GPCPD1: variants seen among roughly 807,000 people sequenced by gnomAD.
GPCPD1 encodes the protein glycerophosphocholine phosphodiesterase GPCPD1.
In GPCPD1, 29 loss-of-function variants were observed where a neutral mutation model predicts 89.2. The observed-to-expected ratio is 0.33, with a 90% CI of 0.24 to 0.44. The LOEUF is 0.44. GPCPD1 is among the 20% of genes least tolerant of loss of function. GPCPD1 has a pLI of 1.00. For missense variants in GPCPD1, 594 were observed against 808.9 expected (o/e 0.73, Z 3.22); for synonymous variants, 258 against 266.3 (o/e 0.97, Z 0.30).
At position 5,547,568 on chromosome 20, in the gene GPCPD1, C is replaced by A; in HGVS notation, c.*93G>T. ...ATTATTGCTTCATTGAACTGAGAAG[C>A]CCAAAAGGCATAGATCAACAATGCT... On this transcript the variant is annotated 3_prime_UTR_variant, in exon 20 of 20. Coordinates refer to ENST00000379019, the MANE Select transcript of GPCPD1 (RefSeq NM_019593.5). The A allele has an allele frequency of 1.6e-6, 1 of 627,340 alleles. No individual in the cohort carries two copies. The highest frequency in any genetic ancestry group is 2.8e-6 in the Non-Finnish European group (1 of 352,424). 38.9% of individuals were successfully genotyped at this position (627,340 alleles called of 1,614,324 possible).
chr20:5,578,659 A>G, intron 7 of GPCPD1, 48 bp from the exon 8 acceptor site: 1 of 1,152,804 alleles, frequency 8.7e-7, no homozygotes, highest in Non-Finnish European at 1.3e-6. Context: ...CAGAAAAGAA[A>G]AACTCATACA....
Position 5,546,506 on chromosome 20 carries a change from C to T in GPCPD1, c.*1155G>A, listed in dbSNP as rs1166128082. 1 of 152,128 alleles carries T rather than the reference C, an allele frequency of 6.6e-6. No homozygotes were observed. The highest frequency in any genetic ancestry group is 2.4e-5 in the African/African-American group (1 of 41,418). The allele number at this position is 152,128 out of a possible 1,614,324, so 9.4% of individuals were successfully genotyped here. On this transcript the variant is annotated 3_prime_UTR_variant, in exon 20 of 20. Transcript: ENST00000379019. ...TGTATCATTTTATTTAACATTCATT[C>T]TTTAAGTTACAGTTAACACAATCTG...
chr20:5,589,816 T>A (rs1346598242), intron 4 of GPCPD1, among the ~76,000 whole-genome samples: 1 of 152,220 alleles, frequency 6.6e-6, no homozygotes, highest in Non-Finnish European at 1.5e-5. Context: ...GCCAAAATTT[T>A]AAGCTTTTTG....
At chr20:5,607,077 A>G (rs1405007170) in intron 1 of GPCPD1, among the ~76,000 whole-genome samples, 1 of 151,866 alleles carries the variant, frequency 6.6e-6, no homozygotes, top group Non-Finnish European at 1.5e-5. Flanking sequence ...ACCTGAGGTC[A>G]GGAGTTCAAG....
intron 3 of GPCPD1, among the ~76,000 whole-genome samples, chr20:5,598,183 A>C (rs562536439): frequency 4.8e-5 from 7 of 145,354 alleles, no homozygotes; most frequent in South Asian, 2.2e-4. Flanking sequence ...GCCAAAAAAA[A>C]CCCCAAAAAA....
rs563272862 is a variant in GPCPD1, at chr20:5,556,169, CACAACGCTACTGT to C, written c.1829+1763_1829+1775del. Reference sequence around the variant, plus strand: ...AAGATATATACTGTGTTTTCTCAGACACAACGCTACTGTACACTTGGTAAACTACAATGTAGTA... The same window carrying C: ...AAGATATATACTGTGTTTTCTCAGACACACTTGGTAAACTACAATGTAGTA... On this transcript the variant is annotated intron_variant, in intron 19 of 19. Coordinates refer to ENST00000379019, the MANE Select transcript of GPCPD1 (RefSeq NM_019593.5). Among the ~76,000 whole-genome samples, 3 of 152,246 alleles carry C rather than the reference CACAACGCTACTGT, an allele frequency of 2.0e-5. No homozygotes were observed. In the South Asian group the frequency reaches 6.2e-4, roughly 32 times the overall value.
intron 2 of GPCPD1, among the ~76,000 whole-genome samples, chr20:5,602,085 G>A (rs530701373): frequency 1.2e-4 from 18 of 152,200 alleles, no homozygotes; most frequent in African/African-American, 3.9e-4. Context: ...TACCATTCTC[G>A]CCACATTTAG....
rs200027728 is a variant in GPCPD1 at position 5,557,926 on chromosome 20, T to C, written c.1829+19A>G. 8 of 1,395,584 alleles carry C rather than the reference T, an allele frequency of 5.7e-6. No individual in the cohort carries two copies. The highest frequency in any genetic ancestry group is 1.3e-5 in the South Asian group (1 of 79,032). 86.5% of individuals were successfully genotyped at this position (1,395,584 alleles called of 1,614,324 possible). ...TATACTTCTAAATTCCATGAAAATT[T>C]TTCATGAAAAACAAATACCTATCAT... On this transcript the variant is annotated intron_variant, in intron 19 of 19. Coordinates refer to ENST00000379019, the MANE Select transcript of GPCPD1 (RefSeq NM_019593.5).
At chr20:5,565,537 T>C (rs188389741) in intron 14 of GPCPD1, among the ~76,000 whole-genome samples, 6 of 152,216 alleles carry the variant, frequency 3.9e-5, no homozygotes, top group African/African-American at 7.2e-5. Flanking sequence ...CCCCTATATA[T>C]AGTATTTTTT....
At chr20:5,594,359 A>G (rs921104498) in intron 3 of GPCPD1, among the ~76,000 whole-genome samples, 26 of 151,560 alleles carry the variant, frequency 1.7e-4, no homozygotes, top group African/African-American at 6.1e-4. Flanking sequence ...GCGCGATCTC[A>G]GCTCACTGCA....
At chr20:5,562,910 T>A (rs1209959061) in intron 15 of GPCPD1, among the ~76,000 whole-genome samples, 1 of 152,194 alleles carries the variant, frequency 6.6e-6, no homozygotes, top group Non-Finnish European at 1.5e-5. Flanking sequence ...AGTGTTGAGA[T>A]TGCTAAAAGG....
chr20:5,552,996 A>T (rs1985518736), intron 19 of GPCPD1, among the ~76,000 whole-genome samples: 1 of 152,064 alleles, frequency 6.6e-6, no homozygotes, highest in African/African-American at 2.4e-5. Context: ...CTTATAATTT[A>T]ATTTTATTTT....
chr20:5,576,050 CA>C, intron 8 of GPCPD1, 72 bp from the exon 9 acceptor site: 1 of 637,490 alleles, frequency 1.6e-6, no homozygotes, highest in Non-Finnish European at 2.8e-6. Flanking sequence ...TACACACACA[CA>C]CACACACACA....
intron 2 of GPCPD1, among the ~76,000 whole-genome samples, chr20:5,601,339 AAT>A (rs1980123183): frequency 6.7e-6 from 1 of 149,186 alleles, no homozygotes; most frequent in Non-Finnish European, 1.5e-5. Flanking sequence ...CAACCTGGGC[AAT>A]AGAGGGAGAC....
At chr20:5,588,700 C>T (rs1391960108) in intron 4 of GPCPD1, among the ~76,000 whole-genome samples, 4 of 152,064 alleles carry the variant, frequency 2.6e-5, no homozygotes, top group Non-Finnish European at 4.4e-5. Context: ...TGGCACACGC[C>T]TGTAATCCTA....
chr20:5,583,098 C>T (rs1018753660), intron 6 of GPCPD1, among the ~76,000 whole-genome samples: 8 of 151,460 alleles, frequency 5.3e-5, no homozygotes, highest in Admixed American at 2.0e-4. Flanking sequence ...GCTGGGCATG[C>T]CTGTAATCCA....
chr20:5,570,985 T>C (rs1346924047), intron 11 of GPCPD1, among the ~76,000 whole-genome samples: 2 of 152,222 alleles, frequency 1.3e-5, no homozygotes, highest in Non-Finnish European at 2.9e-5. Context: ...TTAAAGTCTG[T>C]ATGTCATAAA....
intron 2 of GPCPD1, 84 bp from the exon 3 acceptor site, chr20:5,598,905 C>T: frequency 1.2e-6 from 1 of 824,884 alleles, no homozygotes; most frequent in South Asian, 1.4e-5. Flanking sequence ...TTAGTTCAAC[C>T]AGATATGCTG....
At chr20:5,559,229 G>A (rs1363885501) in intron 17 of GPCPD1, among the ~76,000 whole-genome samples, 1 of 151,700 alleles carries the variant, frequency 6.6e-6, no homozygotes, top group Non-Finnish European at 1.5e-5. Flanking sequence ...AAAAAAAAAA[G>A]AAAGAAAGAA....
Sources: gnomAD v4.1 joint callset for allele counts (sites outside exome capture counted in the v4.1 genomes callset) on GRCh38, gnomAD v4.1.1 for gene constraint, MANE v1.5 for transcripts, NCBI Gene and HGNC (gene_info 2026-07-23, HGNC 2026-07-21) for gene names.